The following SP3 variants were observed in gnomAD, a reference collection of about 807,000 sequenced individuals.
SP3 encodes transcription factor Sp3.
In SP3, 10 loss-of-function variants were observed where a neutral mutation model predicts 70.3. The ratio of observed to expected loss-of-function variants is 0.14; its 90% CI spans 0.09 to 0.24. The LOEUF (loss-of-function observed/expected upper bound fraction) is 0.24. SP3 is among the 10% of genes least tolerant of loss of function. The probability of loss-of-function intolerance (pLI) is 1.00; values close to 1 mark genes in which losing one functional copy is unlikely to be tolerated. For missense variants in SP3, 825 were observed against 914.6 expected (o/e 0.90, Z 1.26); for synonymous variants, 402 against 333.5 (o/e 1.21, Z -2.24).
intron 4 of SP3, among the ~76,000 whole-genome samples, chr2:173,934,461 TA>T (rs1690158591): frequency 6.6e-6 from 1 of 152,050 alleles, no homozygotes; most frequent in Non-Finnish European, 1.5e-5. Flanking sequence ...TTATAAAAAG[TA>T]GGGAGAAAGC....
At chr2:173,953,420 G>C (rs535781861) in intron 4 of SP3, among the ~76,000 whole-genome samples, 1 of 152,064 alleles carries the variant, frequency 6.6e-6, no homozygotes, top group Admixed American at 6.6e-5. Context: ...GGTGGCTCAC[G>C]CCTGTAATCC....
Position 173,955,377 on chromosome 2 carries a change from C to T in SP3, c.1135G>A (p.Glu379Lys). The change falls in exon 4 of 7, where the codon GAA becomes AAA. Residue 379 changes from glutamate to lysine, a missense_variant. Around this residue, in one of 4 missense-constraint regions of SP3, gnomAD observed 678 missense variants for 651.6 expected, o/e 1.04. Transcript: ENST00000310015. ...TGAATATTCTGTGCCTGTGTCTCTT[C>T]AGAAACAGGCGACTGGATATAATTT... ...QGNYIQSPVS[E>K]ETQAQNIQVS... The T allele has an allele frequency of 6.2e-7, 1 of 1,614,004 alleles. No individual in the cohort carries two copies. The highest frequency in any genetic ancestry group is 1.1e-5 in the South Asian group (1 of 91,072).
chr2:173,923,469 T>A (rs954975814), intron 4 of SP3, among the ~76,000 whole-genome samples: 1 of 152,128 alleles, frequency 6.6e-6, no homozygotes, highest in Non-Finnish European at 1.5e-5. Flanking sequence ...TTAAAAATAT[T>A]ACAAGAAAAT....
chr2:173,939,980 C>A (rs1690319799), intron 4 of SP3, among the ~76,000 whole-genome samples: 1 of 152,082 alleles, frequency 6.6e-6, no homozygotes, highest in Admixed American at 6.5e-5. Context: ...TCAATCAATC[C>A]TCCCATCTCC....
rs151219734 is a variant in SP3 at position 173,945,104 on chromosome 2, C to T, written c.1639+9769G>A. ...TACTAATGTTAAATTAAATACACTT[C>T]AGGTTGATGAAAGTATCATCCTTAA... On this transcript the variant is annotated intron_variant, in intron 4 of 6. Transcript: ENST00000310015. Among the ~76,000 whole-genome samples, 6 of 152,296 alleles carry T rather than the reference C, an allele frequency of 3.9e-5. No homozygotes were observed. In the East Asian group the frequency reaches 9.6e-4, roughly 24 times the overall value.
chr2:173,956,706 A>G (rs550000670), intron 3 of SP3, among the ~76,000 whole-genome samples: 7 of 152,352 alleles, frequency 4.6e-5, no homozygotes, highest in Admixed American at 6.5e-5. Flanking sequence ...AACATACTCT[A>G]AAGTAAACTC....
chr2:173,911,538 T>A (rs1339387254), intron 6 of SP3, among the ~76,000 whole-genome samples: 3 of 152,290 alleles, frequency 2.0e-5, no homozygotes, highest in Admixed American at 2.0e-4. Flanking sequence ...AAGCTGTCAA[T>A]CTAGCATTTA....
rs762555016 is a variant in SP3, at chr2:173,956,029, T to C, written c.483A>G (p.Ser161=). 6.2e-7 allele frequency: 1 copy of C among 1,614,196 alleles called. No homozygotes were observed. Among genetic ancestry groups the C allele is most frequent in the South Asian group, 1.1e-5 (1 of 91,086 alleles). The stretch of plus-strand genomic sequence containing the variant: ...ATTGAACACTGGACACTGTACCATT[T>C]GATGAATCTGATCCTGGTGCAACGG... ...IFSVAPGSDS[S]NGTVSSVQYQ... The change falls in exon 4 of 7, where the codon TCA becomes TCG. Residue 161 remains serine, a synonymous_variant. Coordinates refer to ENST00000310015, the MANE Select transcript of SP3 (RefSeq NM_003111.5).
Position 173,910,264 on chromosome 2 carries a change from A to T in SP3, c.2030-7T>A. ...CAAACAAATTTCTTCTCACCTGTTA[A>T]GAAAAAAATTAAGTTACTTGGTTTT... On this transcript the variant is annotated splice_region_variant and splice_polypyrimidine_tract_variant and intron_variant, in intron 6 of 6. Transcript: ENST00000310015. The T allele has an allele frequency of 6.2e-7, 1 of 1,611,412 alleles. No homozygotes were observed. Among genetic ancestry groups the T allele is most frequent in the Non-Finnish European group, 8.5e-7 (1 of 1,178,790 alleles).
At chr2:173,956,883 C>T (rs1177664288) in intron 3 of SP3, among the ~76,000 whole-genome samples, 1 of 152,198 alleles carries the variant, frequency 6.6e-6, no homozygotes, top group Non-Finnish European at 1.5e-5. Flanking sequence ...GGAGGATACA[C>T]ACTGTGACTT....
chr2:173,931,768 C>A (rs1690074400), intron 4 of SP3, among the ~76,000 whole-genome samples: 1 of 152,194 alleles, frequency 6.6e-6, no homozygotes, highest in Non-Finnish European at 1.5e-5. Context: ...TTTCCTTAAA[C>A]CTCATGGACC....
chr2:173,950,961 A>T (rs915224312), intron 4 of SP3, among the ~76,000 whole-genome samples: 2 of 152,206 alleles, frequency 1.3e-5, no homozygotes, highest in Non-Finnish European at 2.9e-5. Flanking sequence ...ATCAGGACAA[A>T]ATTCAAATTT....
intron 3 of SP3, among the ~76,000 whole-genome samples, chr2:173,960,185 C>T (rs1370860908): frequency 1.3e-5 from 2 of 152,144 alleles, no homozygotes; most frequent in African/African-American, 4.8e-5. Context: ...AAACAAAACA[C>T]CATCTAACAT....
intron 4 of SP3, among the ~76,000 whole-genome samples, chr2:173,929,511 ACT>A (rs1307929726): frequency 2.0e-5 from 3 of 152,132 alleles, no homozygotes; most frequent in Non-Finnish European, 2.9e-5. Context: ...CACAATACAC[ACT>A]GACAGAATAT....
At chr2:173,915,254 T>A (rs904833299) in intron 5 of SP3, 1 of 151,810 alleles carries the variant, frequency 6.6e-6, no homozygotes, top group African/African-American at 2.4e-5. Context: ...AGGGGCGGGG[T>A]TGCACACATA....
At chr2:173,964,291 G>GAC (rs1421852003) in intron 2 of SP3, 114 bp downstream of exon 2, 332 of 540,260 alleles carry the variant, frequency 6.1e-4, no homozygotes, top group Non-Finnish European at 9.5e-4. Context: ...GGAGGGGAGT[G>GAC]GAGGGGAGGG....
chr2:173,937,230 CA>C (rs375786104), intron 4 of SP3, among the ~76,000 whole-genome samples: 1 of 152,148 alleles, frequency 6.6e-6, no homozygotes, highest in African/African-American at 2.4e-5. Context: ...ATGAAAGCAG[CA>C]AAGACATTTA....
At chr2:173,965,045 TCA>T (rs1691247891) in intron 1 of SP3, 118 bp downstream of exon 1, 7 of 1,353,712 alleles carry the variant, frequency 5.2e-6, no homozygotes, top group African/African-American at 3.0e-5. Flanking sequence ...TTTCTGCCTC[TCA>T]CAGACACTCG....
At chr2:173,959,122 T>C (rs1182557076) in intron 3 of SP3, among the ~76,000 whole-genome samples, 2 of 152,154 alleles carry the variant, frequency 1.3e-5, no homozygotes, top group Non-Finnish European at 2.9e-5. Context: ...AAAACAAATT[T>C]TGAGGTATTA....
Sources: gnomAD v4.1 joint callset for allele counts (sites outside exome capture counted in the v4.1 genomes callset) on GRCh38, gnomAD v4.1.1 for gene constraint, gnomAD v4.1.1 regional missense constraint, MANE v1.5 for transcripts, NCBI Gene and HGNC (gene_info 2026-07-23, HGNC 2026-07-21) for gene names.